CANX: variants seen among roughly 807,000 people sequenced by gnomAD.
CANX encodes the protein calnexin.
A neutral mutation model predicts 75.7 loss-of-function variants in CANX; 14 were observed. The ratio of observed to expected loss-of-function variants is 0.19; its 90% CI spans 0.12 to 0.29. The LOEUF is 0.29. CANX is among the 10% of genes least tolerant of loss of function. The pLI is 1.00. For missense variants in CANX, 567 were observed against 713.2 expected (o/e 0.79, Z 2.34); for synonymous variants, 227 against 236.9 (o/e 0.96, Z 0.38).
At chr5:179,725,178 A>G (rs1486678013) in intron 13 of CANX, among the ~76,000 whole-genome samples, 1 of 152,038 alleles carries the variant, frequency 6.6e-6, no homozygotes, top group Non-Finnish European at 1.5e-5. Flanking sequence ...GGCATGCGCT[A>G]CCATGCTCAG....
At chr5:179,719,480 A>G (rs1173204406) in intron 8 of CANX, among the ~76,000 whole-genome samples, 188 bp from the exon 9 acceptor site, 2 of 152,196 alleles carry the variant, frequency 1.3e-5, no homozygotes, top group African/African-American at 2.4e-5. Context: ...TCTTTATATT[A>G]TTGAGTTGTA....
At chr5:179,711,440 C>A (rs1431545438) in intron 7 of CANX, among the ~76,000 whole-genome samples, 1 of 151,720 alleles carries the variant, frequency 6.6e-6, no homozygotes, top group Non-Finnish European at 1.5e-5. Context: ...AAACAAAAAA[C>A]CCAAAAAACT....
At chr5:179,678,921 C>T (rs1374704123) in intron 1 of CANX, 1 of 1,535,026 alleles carries the variant, frequency 6.5e-7, no homozygotes, top group Non-Finnish European at 8.7e-7. Flanking sequence ...AACACGAAGG[C>T]CTGGTTGCTG....
Position 179,709,997 on chromosome 5 carries a change from A to G in CANX, c.653A>G (p.His218Arg), listed in dbSNP as rs1003507982. ...AAAACGGGTATCTATGAAGAAAAAC[A>G]TGCTAAGAGGCCAGATGCAGATCTG... ...NPKTGIYEEK[H>R]AKRPDADLKT... The change falls in exon 7 of 15, where the codon CAT becomes CGT. Residue 218 changes from histidine to arginine, a missense_variant. Physicochemically the swap from His to Arg is conservative, Grantham distance 29 (BLOSUM62 0). Around this residue, in one of 3 missense-constraint regions of CANX, gnomAD observed 351 missense variants for 433.8 expected, o/e 0.81. Transcript: ENST00000247461. The G allele has an allele frequency of 6.2e-7, 1 of 1,613,432 alleles. No homozygotes were observed. Among genetic ancestry groups the G allele is most frequent in the Non-Finnish European group, 8.5e-7 (1 of 1,179,376 alleles).
In CANX at chr5:179,716,235, C is replaced by G. The variant is rs201335801; in HGVS notation, c.852C>G (p.Pro284=). 1 of 1,614,106 alleles carries G rather than the reference C, an allele frequency of 6.2e-7. No individual in the cohort carries two copies. The highest frequency in any genetic ancestry group is 8.5e-7 in the Non-Finnish European group (1 of 1,180,014). The change falls in exon 8 of 15, where the codon CCC becomes CCG. Residue 284 remains proline, a synonymous_variant. Coordinates refer to ENST00000247461, the MANE Select transcript of CANX (RefSeq NM_001746.4). ...TTGAGGACCCAGAAGACCGGAAGCC[C>G]GAGGATTGGGATGAAAGACCAAAAA... ...REIEDPEDRK[P]EDWDERPKIP... is the part of the protein sequence containing the mutation.
chr5:179,687,291 G>C (rs1049463974), intron 1 of CANX, among the ~76,000 whole-genome samples: 19 of 152,004 alleles, frequency 1.2e-4, no homozygotes, highest in African/African-American at 4.3e-4. Flanking sequence ...TTGCAGTAGA[G>C]ACGGGGTTTC....
intron 7 of CANX, among the ~76,000 whole-genome samples, chr5:179,715,600 C>T (rs975713586): frequency 6.6e-6 from 1 of 152,034 alleles, no homozygotes; most frequent in African/African-American, 2.4e-5. Flanking sequence ...TTTCATTCTC[C>T]ATGGGAGTTA....
At chr5:179,694,642 A>G, upstream of CANX, 2 of 824,220 alleles carry the variant, frequency 2.4e-6, no homozygotes, top group South Asian at 2.7e-5. Flanking sequence ...GAGAAGTACG[A>G]GAAGGATGTT....
upstream of CANX, chr5:179,694,238 T>C (rs1776351473): frequency 5.1e-6 from 2 of 393,702 alleles, no homozygotes. Context: ...GCAAGATGTC[T>C]GCTTATGTCT....
chr5:179,702,033 G>T (rs1430337364), intron 1 of CANX, among the ~76,000 whole-genome samples: 1 of 151,590 alleles, frequency 6.6e-6, no homozygotes, highest in Non-Finnish European at 1.5e-5. Flanking sequence ...GAGCCACCGC[G>T]CTCAGCCTTA....
At chr5:179,691,100 A>C (rs1377885105) in intron 1 of CANX, among the ~76,000 whole-genome samples, 1 of 151,970 alleles carries the variant, frequency 6.6e-6, no homozygotes, top group Non-Finnish European at 1.5e-5. Flanking sequence ...ATCTTGGCTC[A>C]TGGCAACTTC....
At chr5:179,723,311 G>A (rs2113263796) in intron 11 of CANX, among the ~76,000 whole-genome samples, 1 of 151,872 alleles carries the variant, frequency 6.6e-6, no homozygotes, top group South Asian at 2.1e-4. Context: ...TTGAATCTCG[G>A]TTTACACTAC....
chr5:179,686,102 C>CTTTTTTTTT (rs757104413), intron 1 of CANX, among the ~76,000 whole-genome samples: 4,119 of 127,906 alleles, frequency 0.032, 239 homozygotes, highest in African/African-American at 0.055. Context: ...TTGTTCAAGT[C>CTTTTTTTTT]TTTTTTTTTT....
intron 13 of CANX, 68 bp downstream of exon 13, chr5:179,724,851 CAAGTT>C (rs1778546864): frequency 2.6e-6 from 4 of 1,525,718 alleles, no homozygotes; most frequent in Non-Finnish European, 3.5e-6. Flanking sequence ...CCTTTACAGT[CAAGTT>C]AAGGATTGTT....
At chr5:179,682,992 C>G (rs1035678222) in intron 1 of CANX, among the ~76,000 whole-genome samples, 12 of 152,194 alleles carry the variant, frequency 7.9e-5, no homozygotes, top group Non-Finnish European at 1.6e-4. Context: ...CTACTAAGCC[C>G]ACCCACCTGA....
At chr5:179,705,875 A>G (rs765455688) in intron 2 of CANX, 23 bp downstream of exon 2, 3 of 1,601,284 alleles carry the variant, frequency 1.9e-6, no homozygotes, top group African/African-American at 1.3e-5. Flanking sequence ...CTTTGAATCT[A>G]TTCCTTTTAC....
At chr5:179,711,496 T>G (rs533666872) in intron 7 of CANX, among the ~76,000 whole-genome samples, 1 of 151,760 alleles carries the variant, frequency 6.6e-6, no homozygotes, top group East Asian at 1.9e-4. Context: ...AAGAATAGAA[T>G]AGGTGTTTTT....
chr5:179,681,186 G>T (rs1581810726), intron 1 of CANX, among the ~76,000 whole-genome samples: 2 of 152,194 alleles, frequency 1.3e-5, no homozygotes, highest in South Asian at 4.1e-4. Context: ...GCATCATTGA[G>T]CACCTACTGT....
At chr5:179,680,946 C>T in intron 1 of CANX, 1 of 1,533,034 alleles carries the variant, frequency 6.5e-7, no homozygotes, top group Non-Finnish European at 8.7e-7. Flanking sequence ...ATTGTATCTT[C>T]TCGGAGGATG....
Sources: gnomAD v4.1 joint callset for allele counts (sites outside exome capture counted in the v4.1 genomes callset) on GRCh38, gnomAD v4.1.1 for gene constraint, gnomAD v4.1.1 regional missense constraint, MANE v1.5 for transcripts, NCBI Gene and HGNC (gene_info 2026-07-23, HGNC 2026-07-21) for gene names.